TRA2A: variants seen among roughly 807,000 people sequenced by gnomAD.
TRA2A encodes the protein transformer 2 alpha homolog.
TRA2A carries 31 observed loss-of-function variants against 45.7 expected under a neutral mutation model. The ratio of observed to expected loss-of-function variants is 0.68; its 90% CI spans 0.51 to 0.92. TRA2A has a LOEUF of 0.92. TRA2A is among the 40% of genes least tolerant of loss of function. TRA2A has a pLI of 0.00. For synonymous variants in TRA2A, 132 were observed against 126.2 expected (o/e 1.05, Z -0.31); for missense variants, 304 against 367.5 (o/e 0.83, Z 1.41).
intron 1 of TRA2A, among the ~76,000 whole-genome samples, chr7:23,530,024 C>T (rs1305453672): frequency 6.6e-6 from 1 of 152,032 alleles, no homozygotes; most frequent in Non-Finnish European, 1.5e-5. Context: ...AAGGTCCCTC[C>T]AGTAGTCCTC....
At chr7:23,516,709 G>A (rs1467681641) in intron 2 of TRA2A, among the ~76,000 whole-genome samples, 181 bp from the exon 3 acceptor site, 2 of 151,830 alleles carry the variant, frequency 1.3e-5, no homozygotes, top group African/African-American at 2.4e-5. Context: ...TCTCAGTCAA[G>A]CCCCTCTACA....
intron 1 of TRA2A, among the ~76,000 whole-genome samples, chr7:23,527,962 T>C (rs1235885567): frequency 1.3e-5 from 2 of 152,122 alleles, no homozygotes; most frequent in Admixed American, 1.3e-4. Context: ...GGAGAACAAC[T>C]GAAAGCATTA....
rs190727839 is a variant in TRA2A, at chr7:23,506,075, A to G, written c.770+63T>C. ...GTTTTTATTCATATGTATCCAACAT[A>G]AAAGTGCCAAGTAACACTACTATCA... On this transcript the variant is annotated intron_variant, in intron 6 of 7. Coordinates refer to ENST00000297071, the MANE Select transcript of TRA2A (RefSeq NM_013293.5). 9 of 1,414,324 alleles carry G rather than the reference A, an allele frequency of 6.4e-6. No individual in the cohort carries two copies. In the East Asian group the frequency reaches 1.6e-4, roughly 25 times the overall value. The allele number at this position is 1,414,324 out of a possible 1,614,324, so 87.6% of individuals were successfully genotyped here. A position where few individuals can be genotyped will look rare whatever the true frequency, so the allele number is the denominator to read the frequency against.
intron 1 of TRA2A, among the ~76,000 whole-genome samples, chr7:23,523,084 T>C (rs1336910874): frequency 6.6e-6 from 1 of 152,164 alleles, no homozygotes; most frequent in Non-Finnish European, 1.5e-5. Context: ...ATTCCTGATA[T>C]ACACATTTTT....
intron 2 of TRA2A, among the ~76,000 whole-genome samples, chr7:23,519,557 AAAAAC>A (rs1013879296): frequency 3.0e-4 from 45 of 151,606 alleles, no homozygotes; most frequent in Non-Finnish European, 2.8e-4. Flanking sequence ...CTCCATCTCA[AAAAAC>A]AAACAAACAA....
chr7:23,524,895 T>A (rs1177047047), intron 1 of TRA2A, among the ~76,000 whole-genome samples: 1 of 152,010 alleles, frequency 6.6e-6, no homozygotes, highest in Non-Finnish European at 1.5e-5. Context: ...TTTCCCTATG[T>A]TGGCCAGGCT....
At chr7:23,527,625 G>A (rs1790391359) in intron 1 of TRA2A, among the ~76,000 whole-genome samples, 1 of 152,194 alleles carries the variant, frequency 6.6e-6, no homozygotes, top group African/African-American at 2.4e-5. Context: ...GTAGGTTAGA[G>A]TTTGGTTGAT....
chr7:23,515,141 T>C (rs1394328778), intron 3 of TRA2A, among the ~76,000 whole-genome samples: 2 of 151,878 alleles, frequency 1.3e-5, no homozygotes, highest in Non-Finnish European at 2.9e-5. Flanking sequence ...TTTGACCCCC[T>C]TACCCCATCA....
intron 1 of TRA2A, among the ~76,000 whole-genome samples, chr7:23,530,165 T>C (rs1021959170): frequency 5.9e-5 from 9 of 152,156 alleles, no homozygotes; most frequent in Non-Finnish European, 1.3e-4. Flanking sequence ...ACAAGAAGCA[T>C]TTTACAACTA....
At chr7:23,507,563 G>A (rs371521507) in intron 4 of TRA2A, 28 bp from the exon 5 acceptor site, 92 of 1,488,552 alleles carry the variant, frequency 6.2e-5, no homozygotes, top group Non-Finnish European at 7.2e-5. Context: ...AAAAAGTCAC[G>A]TATAATTCAC....
intron 2 of TRA2A, among the ~76,000 whole-genome samples, chr7:23,517,451 C>A (rs1474216366): frequency 4.4e-4 from 49 of 112,576 alleles, no homozygotes; most frequent in African/African-American, 1.7e-3. Context: ...GTACTCCAGC[C>A]TGGGCGACAG....
rs563332932 is a variant in TRA2A, at chr7:23,528,053, T to G, written c.36+3736A>C. Among the ~76,000 whole-genome samples the G allele has an allele frequency of 9.2e-5, 14 of 152,286 alleles. No individual in the cohort carries two copies. In the South Asian group the frequency reaches 2.9e-3, roughly 32 times the overall value. On this transcript the variant is annotated intron_variant, in intron 1 of 7. Transcript: ENST00000297071. ...TCTTAGGTTAACACTATCCCTACTATAAGAAAGAAAGCTTTACCCTTATGT... is the reference window on the plus strand; with the variant it reads ...TCTTAGGTTAACACTATCCCTACTAGAAGAAAGAAAGCTTTACCCTTATGT...
chr7:23,531,337 A>G (rs1392660342), intron 1 of TRA2A: 1 of 807,882 alleles, frequency 1.2e-6, no homozygotes, highest in Non-Finnish European at 1.5e-6. Flanking sequence ...CCGCCCGGAA[A>G]GCAGCCCCGC....
At chr7:23,526,862 A>C (rs755274389) in intron 1 of TRA2A, among the ~76,000 whole-genome samples, 1 of 152,120 alleles carries the variant, frequency 6.6e-6, no homozygotes, top group Admixed American at 6.5e-5. Flanking sequence ...ATGTTTCCTT[A>C]TTCTCTAAAA....
chr7:23,515,874 A>C (rs1041647124), intron 3 of TRA2A, among the ~76,000 whole-genome samples: 2 of 151,708 alleles, frequency 1.3e-5, no homozygotes, highest in African/African-American at 4.8e-5. Context: ...AAACGTCATG[A>C]AAAGAAAAAT....
At chr7:23,510,442 G>A (rs1220385171) in intron 4 of TRA2A, among the ~76,000 whole-genome samples, 3 of 152,126 alleles carry the variant, frequency 2.0e-5, no homozygotes, top group African/African-American at 7.2e-5. Context: ...CAATTCTCCT[G>A]CCTCAGCCTC....
intron 2 of TRA2A, among the ~76,000 whole-genome samples, chr7:23,517,347 C>T (rs911195322): frequency 4.0e-5 from 6 of 150,536 alleles, no homozygotes; most frequent in African/African-American, 9.8e-5. Flanking sequence ...GGCATGGTGG[C>T]GGGCACCTGT....
At chr7:23,507,903 G>A (rs1789417506) in intron 4 of TRA2A, among the ~76,000 whole-genome samples, 1 of 152,146 alleles carries the variant, frequency 6.6e-6, no homozygotes, top group Admixed American at 6.5e-5. Flanking sequence ...AGCGGAGACT[G>A]AAGTCTTTTC....
chr7:23,526,719 A>G (rs971656168), intron 1 of TRA2A, among the ~76,000 whole-genome samples: 1 of 152,176 alleles, frequency 6.6e-6, no homozygotes, highest in Non-Finnish European at 1.5e-5. Flanking sequence ...AATCCCTTAA[A>G]AAGAAGATAG....
Sources: gnomAD v4.1 joint callset for allele counts (sites outside exome capture counted in the v4.1 genomes callset) on GRCh38, gnomAD v4.1.1 for gene constraint, MANE v1.5 for transcripts, NCBI Gene and HGNC (gene_info 2026-07-23, HGNC 2026-07-21) for gene names.